SLC16A1: variants seen among roughly 807,000 people sequenced by gnomAD.
SLC16A1 encodes the protein monocarboxylate transporter 1.
Under a neutral mutation model 32.2 loss-of-function variants are expected in SLC16A1, and 11 were observed. That is an observed-to-expected ratio of 0.34 (90% CI 0.21 to 0.56). The LOEUF is 0.56. SLC16A1 is among the 20% of genes least tolerant of loss of function. SLC16A1 has a pLI of 0.87. For synonymous variants in SLC16A1, 231 were observed against 226.8 expected (o/e 1.02, Z -0.17); for missense variants, 435 against 615.0 (o/e 0.71, Z 3.10).
intron 1 of SLC16A1, among the ~76,000 whole-genome samples, chr1:112,954,657 T>A (rs1350564298): frequency 6.6e-6 from 1 of 152,196 alleles, no homozygotes; most frequent in Non-Finnish European, 1.5e-5. Flanking sequence ...GCTATAAAAA[T>A]CTTACAAAAT....
intron 4 of SLC16A1, among the ~76,000 whole-genome samples, chr1:112,915,571 G>A (rs971785889): frequency 2.0e-5 from 3 of 152,144 alleles, no homozygotes; most frequent in Admixed American, 2.0e-4. Flanking sequence ...GAAGAGTTCT[G>A]AACTGGAGAC....
rs60711635 is a variant in SLC16A1, at chr1:112,926,918, T to TAAA, written c.217+2171_217+2173dup. The stretch of plus-strand genomic sequence containing the variant: ...TAAATAAATAAATAATAAAAAAACT[T>TAAA]AAAAAAAAAAGGATCAGCTTGGGCC... On this transcript the variant is annotated intron_variant, in intron 2 of 4. Transcript: ENST00000369626. Among the ~76,000 whole-genome samples, 1,212 of 145,550 alleles carry TAAA rather than the reference T, an allele frequency of 8.3e-3. 19 individuals are homozygous for TAAA. The highest frequency in any genetic ancestry group is 0.028 in the African/African-American group (1,108 of 39,660).
At chr1:112,914,572 G>C (rs1300396832) in intron 4 of SLC16A1, among the ~76,000 whole-genome samples, 1 of 152,180 alleles carries the variant, frequency 6.6e-6, no homozygotes, top group African/African-American at 2.4e-5. Flanking sequence ...TTCCCAAAGA[G>C]TATTCCTGTA....
intron 1 of SLC16A1, among the ~76,000 whole-genome samples, chr1:112,930,438 G>C (rs190132772): frequency 5.3e-5 from 8 of 152,166 alleles, no homozygotes; most frequent in Admixed American, 4.6e-4. Flanking sequence ...TTTACACCTA[G>C]CTCTCGAGTA....
chr1:112,936,037 T>G (rs1373238910), intron 1 of SLC16A1: 1 of 152,142 alleles, frequency 6.6e-6, no homozygotes, highest in Non-Finnish European at 1.5e-5. Flanking sequence ...ATTAAGGTGA[T>G]GTAACTTAAG....
At position 112,911,953 on chromosome 1, in the gene SLC16A1, C is replaced by G. The variant is rs570332067; in HGVS notation, c.*1938G>C. The G allele has an allele frequency of 6.6e-6, 1 of 152,322 alleles. No individual in the cohort carries two copies. Among genetic ancestry groups the G allele is most frequent in the South Asian group, 2.1e-4 (1 of 4,830 alleles). 9.4% of individuals were successfully genotyped at this position (152,322 alleles called of 1,614,324 possible). A position where few individuals can be genotyped will look rare whatever the true frequency, so the allele number is the denominator to read the frequency against. ...TATAGAAGGTAAGAGAGAAGAAGTACGCAGAGGTTACAGACTTGGGTCCAA... is the reference window on the plus strand; with the variant it reads ...TATAGAAGGTAAGAGAGAAGAAGTAGGCAGAGGTTACAGACTTGGGTCCAA... On this transcript the variant is annotated 3_prime_UTR_variant, in exon 5 of 5. Transcript: ENST00000369626.
rs368776923 is a variant in SLC16A1, at chr1:112,917,973, A to G, written c.433T>C (p.Leu145=). The change falls in exon 4 of 5, where the codon TTG becomes CTG. Residue 145 remains leucine (L), a synonymous_variant. Transcript: ENST00000369626. The surrounding 1 kb of genome is among the most constrained non-coding windows in gnomAD (Gnocchi z 4.1). ...IGKYFYKRRP[L]ANGLAMAGSP... ...CCTGCCATGGCCAGTCCGTTGGCCA[A>G]TGGTCGCCTCTTGTAGAAATACTTG... 2.0e-5 allele frequency: 32 copies of G among 1,589,604 alleles called. No homozygotes were observed. In the African/African-American group the frequency reaches 3.8e-4, roughly 19 times the overall value.
At chr1:112,922,492 G>A (rs1022309613) in intron 2 of SLC16A1, 3 of 302,522 alleles carry the variant, frequency 9.9e-6, no homozygotes, top group African/African-American at 4.4e-5. Flanking sequence ...TGTAGAAAGT[G>A]GCTGGGCGCA....
At chr1:112,928,506 A>G (rs1649013787) in intron 2 of SLC16A1, among the ~76,000 whole-genome samples, 1 of 152,226 alleles carries the variant, frequency 6.6e-6, no homozygotes, top group Non-Finnish European at 1.5e-5. Context: ...TAAGTGAGCA[A>G]CTTACTTCCA....
intron 1 of SLC16A1, 77 bp from the exon 2 acceptor site, chr1:112,929,429 G>T: frequency 1.2e-6 from 1 of 828,456 alleles, no homozygotes. Flanking sequence ...AAGAAATATA[G>T]CCAATCGTGG....
chr1:112,929,272 G>T lies in SLC16A1; in HGVS notation c.37C>A (p.Pro13Thr), dbSNP rs75397583. 1.2e-6 allele frequency: 2 copies of T among 1,614,000 alleles called. No homozygotes were observed. Among genetic ancestry groups the T allele is most frequent in the South Asian group, 1.1e-5 (1 of 91,072 alleles). The change falls in exon 2 of 5, where the codon CCC becomes ACC. Residue 13 changes from proline (P) to threonine (T), a missense_variant. Physicochemically the swap from Pro to Thr is conservative, Grantham distance 38. Coordinates refer to ENST00000369626, the MANE Select transcript of SLC16A1 (RefSeq NM_003051.4). ...GCCCAGCCCCAGCCTCCATCTGGGG[G>T]GGTGTATCCAACTGGACCTCCAACT... ...PAVGGPVGYT[P>T]PDGGWGWAVV...
chr1:112,914,236 T>A, intron 4 of SLC16A1, 71 bp from the exon 5 acceptor site: 1 of 1,526,370 alleles, frequency 6.6e-7, no homozygotes, highest in Non-Finnish European at 9.1e-7. Context: ...AAGCAAAGCT[T>A]AAGGATCCAT....
At chr1:112,946,991 T>C (rs1038857980) in intron 1 of SLC16A1, among the ~76,000 whole-genome samples, 1 of 152,234 alleles carries the variant, frequency 6.6e-6, no homozygotes, top group African/African-American at 2.4e-5. Context: ...TTGAGAGTCC[T>C]ATGTCCCTTT....
rs187130565 is a variant in SLC16A1, at chr1:112,929,621, G to T, written c.-44-269C>A. The stretch of plus-strand genomic sequence containing the variant: ...AGCTACTCAGGAGGCTGAGGCAGGA[G>T]GATCACTTGTACTCAGGAGTTTGAG... On this transcript the variant is annotated intron_variant, in intron 1 of 4. Coordinates refer to ENST00000369626, the MANE Select transcript of SLC16A1 (RefSeq NM_003051.4). 2.3e-3 allele frequency among the ~76,000 whole-genome samples: 347 copies of T among 152,216 alleles called. 3 individuals carry two copies. The highest frequency in any genetic ancestry group is 7.8e-3 in the African/African-American group (324 of 41,516).
intron 1 of SLC16A1, among the ~76,000 whole-genome samples, chr1:112,953,153 CTT>C (rs55766100): frequency 7.5e-4 from 98 of 130,152 alleles, no homozygotes; most frequent in Non-Finnish European, 7.2e-4. Flanking sequence ...ACTGAAAATC[CTT>C]TTTTTTTTTT....
intron 3 of SLC16A1, among the ~76,000 whole-genome samples, chr1:112,920,936 G>A (rs1427843478): frequency 2.6e-5 from 4 of 151,918 alleles, no homozygotes; most frequent in Admixed American, 1.3e-4. Flanking sequence ...TCAGGAGATC[G>A]ACTATACTGA....
At chr1:112,916,052 C>T (rs545363967) in intron 4 of SLC16A1, among the ~76,000 whole-genome samples, 28 of 152,236 alleles carry the variant, frequency 1.8e-4, no homozygotes, top group East Asian at 5.8e-4. Context: ...GGACTTAAAA[C>T]GGTCCTACCT....
At chr1:112,955,524 G>C (rs1192735786) in intron 1 of SLC16A1, 1 of 152,286 alleles carries the variant, frequency 6.6e-6, no homozygotes, top group Non-Finnish European at 1.5e-5. Context: ...CACCACTCTC[G>C]CAAGTCACCA....
chr1:112,941,815 C>T (rs527653971), intron 1 of SLC16A1, among the ~76,000 whole-genome samples: 60 of 152,220 alleles, frequency 3.9e-4, no homozygotes, highest in African/African-American at 1.3e-3. Context: ...ATTTGTGATA[C>T]GTGATGAAAT....
Sources: allele counts gnomAD v4.1 joint callset (sites outside exome capture counted in the v4.1 genomes callset), GRCh38; gene constraint gnomAD v4.1.1; non-coding constraint Gnocchi (gnomAD v3.1); transcripts MANE v1.5; gene names NCBI Gene and HGNC (gene_info 2026-07-23, HGNC 2026-07-21).